The following CFAP20DC variants were observed in gnomAD, a reference collection of about 807,000 sequenced individuals.
The protein encoded by CFAP20DC is protein CFAP20DC.
In CFAP20DC, 84 loss-of-function variants were observed where a neutral mutation model predicts 101.7. The ratio of observed to expected loss-of-function variants is 0.83; its 90% confidence interval spans 0.69 to 0.99. CFAP20DC has a LOEUF of 0.99. Among genes scored for constraint, CFAP20DC ranks in the 50% least tolerant of loss-of-function variants. The pLI, the probability that CFAP20DC is intolerant of heterozygous loss-of-function variation, is 0.00. For missense variants in CFAP20DC, 1,007 were observed against 970.3 expected (o/e 1.04, Z -0.50); for synonymous variants, 359 against 351.2 (o/e 1.02, Z -0.25).
chr3:58,915,050 G>A (rs992175958), intron 5 of CFAP20DC: 2 of 152,082 alleles, frequency 1.3e-5, no homozygotes, highest in Non-Finnish European at 2.9e-5. Context: ...ATCTGGAGAG[G>A]GTAAAGCATC....
chr3:58,946,653 A>G (rs1456568865), intron 4 of CFAP20DC, among the ~76,000 whole-genome samples: 2 of 152,100 alleles, frequency 1.3e-5, no homozygotes, highest in Non-Finnish European at 2.9e-5. Context: ...CATGAAGAAA[A>G]ATGTGCAGGA....
At chr3:58,856,175 A>C (rs1172594680) in intron 12 of CFAP20DC, among the ~76,000 whole-genome samples, 1 of 151,570 alleles carries the variant, frequency 6.6e-6, no homozygotes, top group Admixed American at 6.6e-5. Context: ...TAAGGATGAG[A>C]ACTGCATTGT....
At chr3:58,769,813 C>T (rs1373501328) in intron 15 of CFAP20DC, among the ~76,000 whole-genome samples, 1 of 152,148 alleles carries the variant, frequency 6.6e-6, no homozygotes, top group African/African-American at 2.4e-5. Flanking sequence ...GTTTTCATCT[C>T]ACATCAATCC....
At chr3:58,805,044 C>T (rs769238442) in intron 15 of CFAP20DC, among the ~76,000 whole-genome samples, 1 of 152,140 alleles carries the variant, frequency 6.6e-6, no homozygotes, top group Non-Finnish European at 1.5e-5. Flanking sequence ...AAACCACTTA[C>T]GTGGTTTCCT....
At chr3:58,774,926 A>G (rs2071185147) in intron 15 of CFAP20DC, among the ~76,000 whole-genome samples, 1 of 152,170 alleles carries the variant, frequency 6.6e-6, no homozygotes, top group Non-Finnish European at 1.5e-5. Context: ...GAGGGTAAAG[A>G]TCCATTCTCT....
intron 14 of CFAP20DC, among the ~76,000 whole-genome samples, chr3:58,813,040 A>G (rs895370552): frequency 3.3e-5 from 5 of 151,930 alleles, no homozygotes; most frequent in Admixed American, 3.3e-4. Context: ...AGTGTTAGTA[A>G]GTGTGTAAAT....
chr3:58,729,395 G>T lies in CFAP20DC; in HGVS notation c.198-11767C>A, dbSNP rs1476571871. Reference sequence around the variant, plus strand: ...ATACTTTAAATTTTATTAATATTTTGTGTCTTGTATACAGTAAAACAATTG... The same window carrying T: ...ATACTTTAAATTTTATTAATATTTTTTGTCTTGTATACAGTAAAACAATTG... On this transcript the variant is annotated intron_variant, in intron 3 of 3. Coordinates refer to the CFAP20DC transcript ENST00000486145. The surrounding 1 kb of genome is among the most constrained non-coding windows in gnomAD (Gnocchi z 4.4). 1.3e-5 allele frequency among the ~76,000 whole-genome samples: 2 copies of T among 151,658 alleles called. No homozygotes were observed. Among genetic ancestry groups the T allele is most frequent in the Non-Finnish European group, 2.9e-5 (2 of 67,932 alleles).
chr3:58,735,198 TAATA>T (rs1409737387), intron 3 of CFAP20DC, among the ~76,000 whole-genome samples: 3 of 152,238 alleles, frequency 2.0e-5, no homozygotes, highest in Non-Finnish European at 4.4e-5. Context: ...CGTGGTCACT[TAATA>T]AACCTTTCTC....
intron 5 of CFAP20DC, among the ~76,000 whole-genome samples, chr3:58,919,304 A>T (rs965540327): frequency 1.3e-5 from 2 of 152,046 alleles, no homozygotes; most frequent in African/African-American, 4.8e-5. Context: ...AATACACCAC[A>T]ATTTGCTCGT....
chr3:58,882,672 T>C lies in CFAP20DC; in HGVS notation c.715+1873A>G, dbSNP rs533046978. On this transcript the variant is annotated intron_variant, in intron 7 of 16. Transcript: ENST00000482387. The surrounding 1 kb of genome is among the most constrained non-coding windows in gnomAD (Gnocchi z 4.2). Reference sequence around the variant, plus strand: ...GTCAGATCTTTTTAATCCTTTTATGTATTTATTTTCTCAAGGCTCTTTAAT... The same window carrying C: ...GTCAGATCTTTTTAATCCTTTTATGCATTTATTTTCTCAAGGCTCTTTAAT... 6.6e-6 allele frequency among the ~76,000 whole-genome samples: 1 copy of C among 152,292 alleles called. No homozygotes were observed. Among genetic ancestry groups the C allele is most frequent in the South Asian group, 2.1e-4 (1 of 4,824 alleles).
chr3:58,759,027 A>G (rs957707647), intron 15 of CFAP20DC, among the ~76,000 whole-genome samples: 5 of 152,210 alleles, frequency 3.3e-5, no homozygotes, highest in Non-Finnish European at 5.9e-5. Context: ...TAGCAGCATA[A>G]TTTATAGTCC....
At chr3:58,783,591 C>T (rs2072041748) in intron 15 of CFAP20DC, among the ~76,000 whole-genome samples, 2 of 151,962 alleles carry the variant, frequency 1.3e-5, no homozygotes, top group Admixed American at 1.3e-4. Flanking sequence ...ACAAAGAACT[C>T]AGCAAGAAGA....
intron 4 of CFAP20DC, among the ~76,000 whole-genome samples, chr3:58,990,482 C>T (rs80267873): frequency 6.6e-6 from 1 of 152,054 alleles, no homozygotes; most frequent in African/African-American, 2.4e-5. Context: ...GGAGCTTTTC[C>T]AGGTCCTAGA....
intron 14 of CFAP20DC, 120 bp from the exon 15 acceptor site, chr3:58,806,576 G>T (rs2074077393): frequency 6.7e-6 from 5 of 744,594 alleles, no homozygotes; most frequent in African/African-American, 3.5e-5. Flanking sequence ...AAGGGTATGG[G>T]TGGGAGGGCA....
At chr3:59,005,181 C>T (rs2093405585) in intron 4 of CFAP20DC, among the ~76,000 whole-genome samples, 2 of 152,114 alleles carry the variant, frequency 1.3e-5, no homozygotes, top group Admixed American at 6.6e-5. Context: ...AGTTGTGTCT[C>T]TACCAATGCC....
rs75917004 is a variant in CFAP20DC, at chr3:58,836,529, G to A, written c.1972-4640C>T. Among the ~76,000 whole-genome samples the A allele has an allele frequency of 6.2e-4, 95 of 152,150 alleles. 1 individual carries two copies. In the East Asian group the frequency reaches 0.013, roughly 21 times the overall value. ...GAGGTGTGGAGAAAAATGAGACATG[G>A]CCATGGGATAAGATCAGACCAAGAA... is the stretch of plus-strand genomic sequence containing the variant. On this transcript the variant is annotated intron_variant, in intron 13 of 16. Coordinates refer to ENST00000482387, the MANE Select transcript of CFAP20DC (RefSeq NM_001394063.1).
At chr3:58,877,365 G>A (rs1252396421) in intron 7 of CFAP20DC, among the ~76,000 whole-genome samples, 1 of 152,212 alleles carries the variant, frequency 6.6e-6, no homozygotes, top group Admixed American at 6.5e-5. Context: ...TGTGATAAGA[G>A]CTATGAAGGA....
chr3:58,718,118 A>G (rs2067422048), intron 3 of CFAP20DC, among the ~76,000 whole-genome samples: 1 of 152,170 alleles, frequency 6.6e-6, no homozygotes, highest in Non-Finnish European at 1.5e-5. Context: ...ATGTTGAACA[A>G]AACAGCCAGG....
chr3:58,873,913 A>G (rs939716989), intron 7 of CFAP20DC, among the ~76,000 whole-genome samples: 18 of 129,338 alleles, frequency 1.4e-4, no homozygotes, highest in South Asian at 2.6e-4. Context: ...TAGCTGTTCT[A>G]GATGTTGTCA....
Sources: allele counts gnomAD v4.1 joint callset (sites outside exome capture counted in the v4.1 genomes callset), GRCh38; gene constraint gnomAD v4.1.1; non-coding constraint Gnocchi (gnomAD v3.1); transcripts MANE v1.5; gene names NCBI Gene and HGNC (gene_info 2026-07-23, HGNC 2026-07-21).